ADAMTSL1: variants seen among roughly 807,000 people sequenced by gnomAD.
The protein encoded by ADAMTSL1 is ADAMTS like 1, also known as ADAMTS-like protein 1.
A neutral mutation model predicts 201.8 loss-of-function variants in ADAMTSL1; 126 were observed. That is an observed-to-expected ratio of 0.62 (90% CI 0.54 to 0.72). ADAMTSL1 has a LOEUF of 0.72. Among genes scored for constraint, ADAMTSL1 ranks in the 30% least tolerant of loss-of-function variants. The pLI is 0.00. For synonymous variants in ADAMTSL1, 1,121 were observed against 903.4 expected, an observed-to-expected ratio of 1.24 and a Z score of -4.32; for missense variants, 2,679 against 2,277.8, an observed-to-expected ratio of 1.18 and a Z score of -3.59.
In ADAMTSL1 at chr9:18,657,639, A is replaced by G. The variant is rs1038312943; in HGVS notation, c.835A>G (p.Ile279Val). The stretch of plus-strand genomic sequence containing the variant: ...TCTACTTTCCTGTTGACTCCTGCAG[A>G]TTCGTAACTCGGGCTCCGCTGACAG... ...GPLTADFIVK[I>V]RNSGSADSTV... The change falls in exon 8 of 29, where the codon ATT (isoleucine) becomes GTT (valine). Residue 279 changes from isoleucine (I) to valine (V), a missense_variant and splice_region_variant. Coordinates refer to ENST00000380548, the MANE Select transcript of ADAMTSL1 (RefSeq NM_001040272.6). 6.2e-7 allele frequency: 1 copy of G among 1,613,370 alleles called. No individual in the cohort carries two copies. The highest frequency in any genetic ancestry group is 1.3e-5 in the African/African-American group (1 of 75,044).
At chr9:18,852,655 T>G (rs1251320599) in intron 23 of ADAMTSL1, among the ~76,000 whole-genome samples, 1 of 152,248 alleles carries the variant, frequency 6.6e-6, no homozygotes, top group Non-Finnish European at 1.5e-5. Context: ...GAAAGGACTT[T>G]CGCCTACTAA....
chr9:18,564,048 G>A (rs1587578074), intron 3 of ADAMTSL1, among the ~76,000 whole-genome samples: 1 of 152,082 alleles, frequency 6.6e-6, no homozygotes, highest in African/African-American at 2.4e-5. Context: ...TATTCCAGGC[G>A]CCACTGGGGA....
At chr9:18,123,838 A>C (rs1053790301) in intron 1 of ADAMTSL1, among the ~76,000 whole-genome samples, 1 of 152,180 alleles carries the variant, frequency 6.6e-6, no homozygotes, top group African/African-American at 2.4e-5. Flanking sequence ...CATTAGATAT[A>C]AATGCAATCA....
At chr9:18,746,154 T>A (rs1274356058) in intron 15 of ADAMTSL1, among the ~76,000 whole-genome samples, 1 of 152,126 alleles carries the variant, frequency 6.6e-6, no homozygotes, top group African/African-American at 2.4e-5. Context: ...CAAAGTAAGG[T>A]GACCAGATTC....
At chr9:18,442,135 A>T (rs945819260) in intron 2 of ADAMTSL1, among the ~76,000 whole-genome samples, 15 of 152,246 alleles carry the variant, frequency 9.9e-5, no homozygotes, top group Admixed American at 9.8e-4. Context: ...AATTCAAAAT[A>T]TCTTCTGAAG....
At chr9:18,633,658 G>A (rs1377207868) in intron 5 of ADAMTSL1, among the ~76,000 whole-genome samples, 1 of 92,468 alleles carries the variant, frequency 1.1e-5, no homozygotes, top group East Asian at 6.4e-4. Flanking sequence ...TTTTTTTTTG[G>A]TTCCTTTTCT....
chr9:18,618,359 C>T (rs950988426), intron 4 of ADAMTSL1, among the ~76,000 whole-genome samples: 2 of 152,006 alleles, frequency 1.3e-5, no homozygotes, highest in Admixed American at 6.6e-5. Flanking sequence ...TGTGTTTCAT[C>T]GATTCAGCAG....
At chr9:18,267,847 C>G (rs567899725) in intron 2 of ADAMTSL1, among the ~76,000 whole-genome samples, 1 of 149,400 alleles carries the variant, frequency 6.7e-6, no homozygotes, top group Admixed American at 6.8e-5. Context: ...TGTCTTGTAG[C>G]GGCTTTGAAA....
intron 9 of ADAMTSL1, among the ~76,000 whole-genome samples, chr9:18,671,020 A>C (rs984889509): frequency 6.6e-6 from 1 of 152,238 alleles, no homozygotes; most frequent in African/African-American, 2.4e-5. Flanking sequence ...TGTAAATGCT[A>C]TGTAAATAAT....
intron 3 of ADAMTSL1, among the ~76,000 whole-genome samples, chr9:18,572,411 G>C (rs1469512383): frequency 6.6e-6 from 1 of 151,932 alleles, no homozygotes; most frequent in Non-Finnish European, 1.5e-5. Context: ...TTAATAATTG[G>C]TAAATTTTAT....
chr9:18,003,301 A>G (rs905940420), intron 1 of ADAMTSL1, among the ~76,000 whole-genome samples: 6 of 151,996 alleles, frequency 3.9e-5, no homozygotes, highest in Non-Finnish European at 2.9e-5. Context: ...GTAAACAAAA[A>G]TCTGATTCAC....
chr9:18,235,263 G>T (rs1256749529), intron 2 of ADAMTSL1, among the ~76,000 whole-genome samples: 1 of 152,164 alleles, frequency 6.6e-6, no homozygotes, highest in Non-Finnish European at 1.5e-5. Context: ...CTGAAATTGG[G>T]ATTTGTCTGA....
intron 2 of ADAMTSL1, among the ~76,000 whole-genome samples, chr9:18,171,598 G>A (rs934562940): frequency 6.6e-6 from 1 of 152,088 alleles, no homozygotes; most frequent in African/African-American, 2.4e-5. Flanking sequence ...CAGATGGACA[G>A]ATTGCAAAAA....
intron 2 of ADAMTSL1, among the ~76,000 whole-genome samples, chr9:18,409,036 C>A (rs1818319315): frequency 6.6e-6 from 1 of 151,952 alleles, no homozygotes; most frequent in African/African-American, 2.4e-5. Context: ...GAAATTAGAA[C>A]TATAAGGAAT....
intron 1 of ADAMTSL1, among the ~76,000 whole-genome samples, chr9:17,974,996 T>A (rs988053112): frequency 1.3e-5 from 2 of 152,072 alleles, no homozygotes; most frequent in East Asian, 3.9e-4. Context: ...CTGCACAAAG[T>A]TTCCCTTTTT....
intron 1 of ADAMTSL1, among the ~76,000 whole-genome samples, chr9:18,137,145 A>T (rs1826191993): frequency 6.6e-6 from 1 of 152,188 alleles, no homozygotes; most frequent in Non-Finnish European, 1.5e-5. Context: ...TGGTCCATGC[A>T]ATGATAGTAG....
chr9:18,817,288 G>A, intron 21 of ADAMTSL1, 51 bp downstream of exon 21: 1 of 1,524,494 alleles, frequency 6.6e-7, no homozygotes, highest in Non-Finnish European at 8.8e-7. Context: ...CCTGTGCTAG[G>A]TTGGGGATAC....
chr9:18,137,286 G>T (rs143164777), intron 1 of ADAMTSL1, among the ~76,000 whole-genome samples: 48 of 152,256 alleles, frequency 3.2e-4, no homozygotes, highest in African/African-American at 1.1e-3. Flanking sequence ...GAAAACAGAT[G>T]AAAATATAAA....
Position 18,370,442 on chromosome 9 carries a change from C to T in ADAMTSL1, c.208-134387C>T, listed in dbSNP as rs377578100. On this transcript the variant is annotated intron_variant, in intron 2 of 29. Coordinates refer to the ADAMTSL1 transcript ENST00000680146. ...ATCCGTATGAAAACCTGCATATGTA[C>T]CCCCCCCGAATCCATAATAAAAATT... Among the ~76,000 whole-genome samples, 7 of 150,430 alleles carry T rather than the reference C, an allele frequency of 4.7e-5. No homozygotes were observed. The East Asian group carries it at 7.8e-4, about 17-fold the overall frequency.
Sources: allele counts gnomAD v4.1 joint callset (sites outside exome capture counted in the v4.1 genomes callset), GRCh38; gene constraint gnomAD v4.1.1; transcripts MANE v1.5; gene names NCBI Gene and HGNC (gene_info 2026-07-23, HGNC 2026-07-21).